The following PIGG variants were observed in gnomAD, a reference collection of about 807,000 sequenced individuals.
PIGG encodes the protein phosphatidylinositol glycan anchor biosynthesis class G (EMM blood group).
A neutral mutation model predicts 83.2 loss-of-function variants in PIGG; 70 were observed. The observed-to-expected ratio is 0.84, with a 90% CI of 0.69 to 1.03. PIGG has a LOEUF of 1.03. PIGG is among the 50% of genes least tolerant of loss of function. The probability of loss-of-function intolerance (pLI) is 0.00; values close to 1 mark genes in which losing one functional copy is unlikely to be tolerated. For missense variants in PIGG, 1,257 were observed against 1,233.6 expected, an observed-to-expected ratio of 1.02 and a Z score of -0.28; for synonymous variants, 532 against 519.5, an observed-to-expected ratio of 1.02 and a Z score of -0.33.
At chr4:514,563 A>G (rs1394443285) in intron 5 of PIGG, among the ~76,000 whole-genome samples, 1 of 152,156 alleles carries the variant, frequency 6.6e-6, no homozygotes, top group South Asian at 2.1e-4. Context: ...GTATTTCAAG[A>G]TCACTGTCTC....
intron 6 of PIGG, among the ~76,000 whole-genome samples, chr4:518,801 C>T (rs778479396): frequency 6.6e-5 from 10 of 152,046 alleles, no homozygotes; most frequent in Non-Finnish European, 1.2e-4. Flanking sequence ...TCTACACCGT[C>T]GGGGATCCTT....
chr4:538,343 C>T (rs894476836), intron 12 of PIGG, among the ~76,000 whole-genome samples: 1 of 152,104 alleles, frequency 6.6e-6, no homozygotes, highest in Non-Finnish European at 1.5e-5. Flanking sequence ...TAACATACTT[C>T]GAGGGGTGGC....
intron 12 of PIGG, among the ~76,000 whole-genome samples, chr4:534,630 C>T (rs1451747496): frequency 6.6e-6 from 1 of 152,260 alleles, no homozygotes; most frequent in Non-Finnish European, 1.5e-5. Context: ...GCCTGGTCCA[C>T]CTCGTTCCCT....
rs1560394912 is a variant in PIGG at position 539,193 on chromosome 4, ATTTGT to A, written c.2778_2782del (p.Cys927TyrfsTer58). On this transcript the variant is annotated frameshift_variant, in exon 13 of 13. Transcript: ENST00000453061. LOFTEE classifies it low-confidence loss of function (END_TRUNC). ...TCATGCTTGCTTCTGCTACGCACTG[ATTTGT>A]TCTATTCCAGTTTTCACGTACATCG... 2.0e-5 allele frequency: 33 copies of A among 1,613,454 alleles called. No individual in the cohort carries two copies. Among genetic ancestry groups the A allele is most frequent in the Non-Finnish European group, 2.7e-5 (32 of 1,179,590 alleles).
At chr4:512,792 C>T (rs979683707) in intron 5 of PIGG, among the ~76,000 whole-genome samples, 33 of 151,998 alleles carry the variant, frequency 2.2e-4, no homozygotes, top group African/African-American at 6.5e-4. Flanking sequence ...TCCAGCTTGG[C>T]GACGGAGTGA....
chr4:520,101 C>T (rs906634436), intron 6 of PIGG, among the ~76,000 whole-genome samples: 1 of 152,210 alleles, frequency 6.6e-6, no homozygotes, highest in African/African-American at 2.4e-5. Flanking sequence ...GTGGCTTGAG[C>T]GCCTGTGGCA....
At chr4:512,216 CTTTTTT>C (rs781786642) in intron 5 of PIGG, among the ~76,000 whole-genome samples, 1 of 114,294 alleles carries the variant, frequency 8.7e-6, no homozygotes, top group Non-Finnish European at 1.7e-5. Context: ...AGTTATCATA[CTTTTTT>C]TTTTTTTTTT....
chr4:522,298 G>A (rs1012413164), intron 8 of PIGG: 2 of 516,232 alleles, frequency 3.9e-6, no homozygotes, highest in African/African-American at 3.8e-5. Flanking sequence ...AGAGGTGTGG[G>A]AGCTGCAGCT....
chr4:528,842 C>A lies in PIGG; in HGVS notation c.2262-1594C>A. The A allele has an allele frequency of 2.3e-6, 1 of 444,080 alleles. No individual in the cohort carries two copies. Among genetic ancestry groups the A allele is most frequent in the Non-Finnish European group, 3.0e-6 (1 of 335,006 alleles). The allele number at this position is 444,080 out of a possible 1,614,324, so 27.5% of individuals were successfully genotyped here. On this transcript the variant is annotated intron_variant, in intron 10 of 12. Transcript: ENST00000453061. This position sits in a 1 kb window ranked among gnomAD's most constrained non-coding sequence, Gnocchi z 4.8. The stretch of plus-strand genomic sequence containing the variant: ...GAACTAGCCAGTGTGCCTTTTCTTT[C>A]CACACGCACTGCCTGGTTCACCTTC...
chr4:518,935 TCA>T (rs1325646033), intron 6 of PIGG, among the ~76,000 whole-genome samples: 7 of 152,150 alleles, frequency 4.6e-5, no homozygotes, highest in Non-Finnish European at 7.4e-5. Context: ...CCCGGCTCTC[TCA>T]GTGTAGTGGG....
chr4:509,117 G>C (rs1433930462), intron 5 of PIGG, 147 bp downstream of exon 5: 2 of 609,530 alleles, frequency 3.3e-6, no homozygotes, highest in South Asian at 2.4e-5. Flanking sequence ...TGGGCAAAAG[G>C]CTTTTGGGAT....
At chr4:537,117 C>T (rs770121761) in intron 12 of PIGG, 2 of 152,214 alleles carry the variant, frequency 1.3e-5, no homozygotes, top group African/African-American at 2.4e-5. Context: ...GGGTTTTCTT[C>T]TTCCCTTTTA....
intron 5 of PIGG, among the ~76,000 whole-genome samples, chr4:512,965 C>T (rs1162627601): frequency 2.6e-5 from 4 of 152,290 alleles, no homozygotes; most frequent in Admixed American, 2.6e-4. Flanking sequence ...AACCAACCCT[C>T]CTTCTGGAGC....
rs995451248 is a variant in PIGG, at chr4:523,271, G to A, written c.1615-188G>A. On this transcript the variant is annotated intron_variant, in intron 8 of 12. Coordinates refer to ENST00000453061, the MANE Select transcript of PIGG (RefSeq NM_001127178.3). ...GGGCGTCTCCACTCCTGCAGGCTGC[G>A]TCCCAAGAGGAAGGTTCCTGCCGTT... Among the ~76,000 whole-genome samples, 22 of 152,310 alleles carry A rather than the reference G, an allele frequency of 1.4e-4. 1 individual carries two copies. Among genetic ancestry groups the A allele is most frequent in the South Asian group, 6.2e-4 (3 of 4,822 alleles).
At position 533,808 on chromosome 4, in the gene PIGG, T is replaced by G. The variant is rs1314784691; in HGVS notation, c.2572-10T>G. Reference sequence around the variant, plus strand: ...GTGAGGCCTTTGTCAGCTCTTCTCCTGTATTCCAGGGCAACTCCAACAACA... The same window carrying G: ...GTGAGGCCTTTGTCAGCTCTTCTCCGGTATTCCAGGGCAACTCCAACAACA... On this transcript the variant is annotated splice_polypyrimidine_tract_variant and intron_variant, in intron 11 of 12. Coordinates refer to ENST00000453061, the MANE Select transcript of PIGG (RefSeq NM_001127178.3). The G allele has an allele frequency of 1.9e-6, 3 of 1,613,870 alleles. No homozygotes were observed. The highest frequency in any genetic ancestry group is 2.5e-6 in the Non-Finnish European group (3 of 1,179,712).
chr4:534,476 A>G (rs1285300444), intron 12 of PIGG, among the ~76,000 whole-genome samples: 14 of 152,154 alleles, frequency 9.2e-5, no homozygotes, highest in Admixed American at 8.5e-4. Flanking sequence ...TTGAGTAGCT[A>G]GGGGCATGTC....
chr4:500,030 G>A (rs1270834922), intron 1 of PIGG: 5 of 260,988 alleles, frequency 1.9e-5, no homozygotes, highest in East Asian at 1.9e-4. Flanking sequence ...ATCGCCAGCC[G>A]CTGACCATGT....
chr4:500,352 A>G, intron 1 of PIGG, 44 bp from the exon 2 acceptor site: 2 of 1,407,962 alleles, frequency 1.4e-6, no homozygotes, highest in Non-Finnish European at 2.0e-6. Flanking sequence ...GATGCTAAGG[A>G]AAGTTTAGAG....
chr4:521,193 A>T lies in PIGG; in HGVS notation c.1252A>T (p.Thr418Ser). 1 of 1,614,090 alleles carries T rather than the reference A, an allele frequency of 6.2e-7. No individual in the cohort carries two copies. The highest frequency in any genetic ancestry group is 8.5e-7 in the Non-Finnish European group (1 of 1,179,962). The change falls in exon 7 of 13, where the codon ACG (threonine) becomes TCG (serine). Residue 418 changes from threonine (T) to serine (S), a missense_variant. Thr to Ser is a moderately conservative substitution (Grantham distance 58). Transcript: ENST00000453061. ...VLRQYLDALK[T>S]LSLSLSAQVA... ...CAGGCAGTACCTGGATGCTCTGAAG[A>T]CGCTGAGCTTGTCCCTGAGTGCACA...
Sources: gnomAD v4.1 joint callset for allele counts (sites outside exome capture counted in the v4.1 genomes callset) on GRCh38, gnomAD v4.1.1 for gene constraint, Gnocchi (gnomAD v3.1) non-coding constraint, MANE v1.5 for transcripts, NCBI Gene and HGNC (gene_info 2026-07-23, HGNC 2026-07-21) for gene names.